PDLIM5: variants seen among roughly 807,000 people sequenced by gnomAD.
PDLIM5 encodes PDZ and LIM domain 5.
PDLIM5 carries 34 observed loss-of-function variants against 64.2 expected under a neutral mutation model. That is an observed-to-expected ratio of 0.53 (90% confidence interval 0.40 to 0.71). The LOEUF is 0.71. Ranked by LOEUF, PDLIM5 falls within the 30% of genes least tolerant of loss-of-function variation. PDLIM5 has a pLI of 0.00. For synonymous variants in PDLIM5, 253 were observed against 269.1 expected, an observed-to-expected ratio of 0.94 and a Z score of 0.59; for missense variants, 683 against 733.6, an observed-to-expected ratio of 0.93 and a Z score of 0.80.
At chr4:94,518,687 C>G (rs1298493079) in intron 2 of PDLIM5, among the ~76,000 whole-genome samples, 2 of 152,068 alleles carry the variant, frequency 1.3e-5, no homozygotes, top group African/African-American at 4.8e-5. Context: ...AACATAGAAT[C>G]TTCTCTTTTC....
chr4:94,503,748 T>C (rs1014996024), intron 2 of PDLIM5, among the ~76,000 whole-genome samples: 1 of 152,224 alleles, frequency 6.6e-6, no homozygotes, highest in Non-Finnish European at 1.5e-5. Context: ...GAAAGGTCAT[T>C]TGAACATCTA....
intron 2 of PDLIM5, among the ~76,000 whole-genome samples, chr4:94,510,176 A>G (rs1728747496): frequency 6.6e-6 from 1 of 152,208 alleles, no homozygotes; most frequent in African/African-American, 2.4e-5. Flanking sequence ...AGAAACAACA[A>G]TTTAAGGTCT....
In PDLIM5 at chr4:94,586,364, T is replaced by A. The variant is rs374762165; in HGVS notation, c.884-44T>A. 273 of 1,103,324 alleles carry A rather than the reference T, an allele frequency of 2.5e-4. No individual in the cohort carries two copies. In the African/African-American group the frequency reaches 4.0e-3, roughly 16 times the overall value. 68.3% of individuals were successfully genotyped at this position (1,103,324 alleles called of 1,614,324 possible). A position where few individuals can be genotyped will look rare whatever the true frequency, so the allele number is the denominator to read the frequency against. On this transcript the variant is annotated intron_variant, in intron 6 of 12. Coordinates refer to ENST00000317968, the MANE Select transcript of PDLIM5 (RefSeq NM_006457.5). ...GTAATTGCTTAAGTGATTTTGAAGT[T>A]AAACAAAACAAACTAATATTGGATA...
intron 2 of PDLIM5, among the ~76,000 whole-genome samples, chr4:94,500,342 A>G (rs552186297): frequency 6.6e-6 from 1 of 152,340 alleles, no homozygotes; most frequent in South Asian, 2.1e-4. Context: ...TGTGAACTTT[A>G]TTAATATTTG....
rs1290179806 is a variant in PDLIM5, at chr4:94,666,748, TGA to T, written c.*2682_*2683del. ...AGACCTTCTTTCTACATATTATTCA[TGA>T]AGCATAATGTTGCATTTCTCCAAAT... On this transcript the variant is annotated 3_prime_UTR_variant, in exon 13 of 13. Transcript: ENST00000317968. 2 of 152,262 alleles carry T rather than the reference TGA, an allele frequency of 1.3e-5. No homozygotes were observed. Among genetic ancestry groups the T allele is most frequent in the Non-Finnish European group, 2.9e-5 (2 of 68,050 alleles). 9.4% of individuals were successfully genotyped at this position (152,262 alleles called of 1,614,324 possible).
chr4:94,562,627 A>G (rs1054211617), intron 3 of PDLIM5, among the ~76,000 whole-genome samples: 2 of 152,204 alleles, frequency 1.3e-5, no homozygotes, highest in African/African-American at 2.4e-5. Flanking sequence ...TTGAACAAGT[A>G]TAGTCCAGTT....
At chr4:94,508,941 G>A (rs968061950) in intron 2 of PDLIM5, among the ~76,000 whole-genome samples, 4 of 152,026 alleles carry the variant, frequency 2.6e-5, no homozygotes, top group African/African-American at 7.3e-5. Flanking sequence ...TCATATCATC[G>A]TGTCTTTCAC....
chr4:94,563,958 C>CTTT (rs796820308), intron 3 of PDLIM5, among the ~76,000 whole-genome samples: 178 of 119,338 alleles, frequency 1.5e-3, no homozygotes, highest in South Asian at 2.0e-3. Context: ...TTCTTTCTTT[C>CTTT]TTTTTTTTTT....
intron 8 of PDLIM5, among the ~76,000 whole-genome samples, chr4:94,634,167 A>T (rs1740373930): frequency 6.6e-6 from 1 of 151,648 alleles, no homozygotes; most frequent in African/African-American, 2.4e-5. Context: ...ATCTGTTCAA[A>T]ACCCTCCAAT....
chr4:94,576,015 G>A lies in PDLIM5; in HGVS notation c.691G>A (p.Asp231Asn), dbSNP rs772198722. 4 of 1,613,482 alleles carry A rather than the reference G, an allele frequency of 2.5e-6. No homozygotes were observed. Among genetic ancestry groups the A allele is most frequent in the Non-Finnish European group, 2.5e-6 (3 of 1,179,676 alleles). Residue 231 changes from aspartate (D) to asparagine (N), a missense_variant, in exon 5 of 13, where the codon GAC becomes AAC. Physicochemically the swap from Asp to Asn is conservative, Grantham distance 23 (BLOSUM62 1). Coordinates refer to ENST00000317968, the MANE Select transcript of PDLIM5 (RefSeq NM_006457.5). ...AEGQRRGSQG[D>N]SKQQNGPPRK... is the part of the protein sequence containing the mutation. ...GGGACAGAGAAGAGGATCCCAGGGTGACAGTAAACAGCAAAATGGGTAGGT... is the reference window on the plus strand; with the variant it reads ...GGGACAGAGAAGAGGATCCCAGGGTAACAGTAAACAGCAAAATGGGTAGGT...
chr4:94,453,122 ATTG>A (rs1171920362), intron 1 of PDLIM5, among the ~76,000 whole-genome samples: 1 of 152,166 alleles, frequency 6.6e-6, no homozygotes, highest in African/African-American at 2.4e-5. Context: ...GAGCAAAGAC[ATTG>A]TTTAGACTTT....
intron 2 of PDLIM5, among the ~76,000 whole-genome samples, chr4:94,522,418 C>CA (rs1391165530): frequency 6.6e-6 from 1 of 151,944 alleles, no homozygotes; most frequent in African/African-American, 2.4e-5. Flanking sequence ...CTCTGTTGCC[C>CA]AAGCTGGAGT....
chr4:94,659,727 A>T (rs1578562235), intron 11 of PDLIM5, among the ~76,000 whole-genome samples: 1 of 151,708 alleles, frequency 6.6e-6, no homozygotes, highest in Admixed American at 6.6e-5. Context: ...ACGGGGTTTC[A>T]CCATGTTAGC....
intron 2 of PDLIM5, among the ~76,000 whole-genome samples, chr4:94,514,387 G>A (rs1005834366): frequency 1.3e-5 from 2 of 151,956 alleles, no homozygotes; most frequent in Non-Finnish European, 2.9e-5. Flanking sequence ...GCCCACCTTG[G>A]CCTCCCAAAG....
intron 2 of PDLIM5, among the ~76,000 whole-genome samples, chr4:94,458,204 T>C (rs1578189266): frequency 6.6e-6 from 1 of 152,190 alleles, no homozygotes; most frequent in Non-Finnish European, 1.5e-5. Flanking sequence ...TTGGTTATAC[T>C]TTTTCTGCCT....
chr4:94,499,468 T>C (rs1493111), intron 2 of PDLIM5, among the ~76,000 whole-genome samples: 88,143 of 152,034 alleles, frequency 0.58, 28,012 homozygotes, highest in African/African-American at 0.86. Flanking sequence ...TGAAAATGTT[T>C]GGAAGAAAAA....
At chr4:94,490,415 CTA>C (rs1255649779) in intron 2 of PDLIM5, among the ~76,000 whole-genome samples, 3 of 151,992 alleles carry the variant, frequency 2.0e-5, no homozygotes, top group South Asian at 4.2e-4. Context: ...AGTAAAATAA[CTA>C]GAATTATATT....
chr4:94,642,704 G>A (rs1246490491), intron 9 of PDLIM5, among the ~76,000 whole-genome samples: 2 of 151,864 alleles, frequency 1.3e-5, no homozygotes, highest in East Asian at 1.9e-4. Context: ...AGCTTGAATC[G>A]ATTGTGGTCA....
intron 8 of PDLIM5, among the ~76,000 whole-genome samples, chr4:94,634,961 T>A (rs1273020635): frequency 2.0e-5 from 3 of 152,212 alleles, no homozygotes; most frequent in Non-Finnish European, 4.4e-5. Flanking sequence ...AGTTTTCTGG[T>A]ATGTTGCTAG....
Sources: gnomAD v4.1 joint callset for allele counts (sites outside exome capture counted in the v4.1 genomes callset) on GRCh38, gnomAD v4.1.1 for gene constraint, MANE v1.5 for transcripts, NCBI Gene and HGNC (gene_info 2026-07-23, HGNC 2026-07-21) for gene names.